The following MLLT10 variants were observed in gnomAD, a reference collection of about 807,000 sequenced individuals.
The protein encoded by MLLT10 is protein AF-10.
Under a neutral mutation model 129.1 loss-of-function variants are expected in MLLT10, and 30 were observed. That is an observed-to-expected ratio of 0.23 (90% CI 0.17 to 0.32). The LOEUF (loss-of-function observed/expected upper bound fraction) is 0.32, where lower values mean the gene tolerates loss of function less well. Ranked by LOEUF, MLLT10 falls within the 10% of genes least tolerant of loss-of-function variation. MLLT10 has a pLI of 1.00. For missense variants in MLLT10, 1,119 were observed against 1,268.3 expected (o/e 0.88, Z 1.79); for synonymous variants, 490 against 446.4 (o/e 1.10, Z -1.23).
chr10:21,691,385 T>C (rs188064693), intron 13 of MLLT10, among the ~76,000 whole-genome samples: 15 of 152,306 alleles, frequency 9.8e-5, no homozygotes, highest in Admixed American at 7.8e-4. Flanking sequence ...TGGATATATA[T>C]CTCTGGATAT....
At chr10:21,540,649 G>A (rs1301145490) in intron 3 of MLLT10, among the ~76,000 whole-genome samples, 1 of 152,020 alleles carries the variant, frequency 6.6e-6, no homozygotes, top group African/African-American at 2.4e-5. Flanking sequence ...CATTAGTTAT[G>A]CAAACCTACC....
chr10:21,716,636 G>A (rs2131525826), intron 14 of MLLT10, among the ~76,000 whole-genome samples: 1 of 151,848 alleles, frequency 6.6e-6, no homozygotes, highest in African/African-American at 2.4e-5. Context: ...GGAGGCTGTA[G>A]TGAGCCGAGA....
At position 21,608,051 on chromosome 10, in the gene MLLT10, T is replaced by A. The variant is rs2044240146; in HGVS notation, c.406-4297T>A. 2.6e-5 allele frequency among the ~76,000 whole-genome samples: 4 copies of A among 152,000 alleles called. No individual in the cohort carries two copies. The South Asian group carries it at 8.3e-4, about 31-fold the overall frequency. On this transcript the variant is annotated intron_variant, in intron 5 of 22. Transcript: ENST00000307729. ...TTTTTTGGTATTTTGAATATGTTAT[T>A]CCATTGCCTTCCGGCCTCCATAGTT...
At position 21,742,678 on chromosome 10, in the gene MLLT10, T is replaced by C. The variant is rs2282395; in HGVS notation, c.*695T>C. On this transcript the variant is annotated 3_prime_UTR_variant, in exon 23 of 23. Coordinates refer to ENST00000307729, the MANE Select transcript of MLLT10 (RefSeq NM_001195626.3). Reference sequence around the variant, plus strand: ...TATTTTGAAGAAATCTTGAGTTAAGTGAGTTCTGAGGCTGCTGGGGGAACC... The same window carrying C: ...TATTTTGAAGAAATCTTGAGTTAAGCGAGTTCTGAGGCTGCTGGGGGAACC... The C allele has an allele frequency of 2.4e-3, 545 of 224,408 alleles. 12 individuals carry two copies. The East Asian group carries it at 0.035, about 15-fold the overall frequency. 13.9% of individuals were successfully genotyped at this position (224,408 alleles called of 1,614,324 possible).
chr10:21,653,261 G>A lies in MLLT10; in HGVS notation c.795+1493G>A, dbSNP rs143561691. ...CTGAAAGAATCTGTTTCTACCGTTC[G>A]TCAGGTTATTGGCAGAATGAATCTG... On this transcript the variant is annotated intron_variant, in intron 9 of 22. Coordinates refer to ENST00000307729, the MANE Select transcript of MLLT10 (RefSeq NM_001195626.3). Among the ~76,000 whole-genome samples, 53 of 152,270 alleles carry A rather than the reference G, an allele frequency of 3.5e-4. No homozygotes were observed. The East Asian group carries it at 9.1e-3, about 26-fold the overall frequency.
At chr10:21,678,514 C>A in intron 11 of MLLT10, among the ~76,000 whole-genome samples, 1 of 152,156 alleles carries the variant, frequency 6.6e-6, no homozygotes, top group Non-Finnish European at 1.5e-5. Flanking sequence ...AGGCAGAAGA[C>A]GAAGGCCAAT....
chr10:21,713,656 A>C, intron 13 of MLLT10, 116 bp from the exon 14 acceptor site: 1 of 862,000 alleles, frequency 1.2e-6, no homozygotes, highest in East Asian at 2.7e-5. Flanking sequence ...AAACAGCAAC[A>C]ATAAGATTTA....
intron 3 of MLLT10, among the ~76,000 whole-genome samples, chr10:21,563,634 G>A (rs1440405655): frequency 2.0e-5 from 3 of 151,952 alleles, no homozygotes; most frequent in East Asian, 1.9e-4. Flanking sequence ...GTTAAACTGC[G>A]TTTTGTTTAA....
intron 5 of MLLT10, among the ~76,000 whole-genome samples, chr10:21,602,733 CTT>C (rs879807408): frequency 6.9e-5 from 10 of 144,578 alleles, no homozygotes; most frequent in East Asian, 2.0e-4. Flanking sequence ...TATCTAAACT[CTT>C]TTTTTTTTTT....
intron 3 of MLLT10, among the ~76,000 whole-genome samples, chr10:21,560,585 A>T (rs2038680950): frequency 6.6e-6 from 1 of 151,956 alleles, no homozygotes; most frequent in African/African-American, 2.4e-5. Flanking sequence ...ACAGGCACGT[A>T]CTACCACCAC....
At chr10:21,635,155 G>A (rs879515788) in intron 8 of MLLT10, among the ~76,000 whole-genome samples, 13 of 152,120 alleles carry the variant, frequency 8.5e-5, no homozygotes, top group African/African-American at 1.2e-4. Flanking sequence ...TTTCAGCTGC[G>A]TTTCTCAAAT....
chr10:21,737,665 T>C (rs1324146602), intron 21 of MLLT10, among the ~76,000 whole-genome samples: 1 of 152,146 alleles, frequency 6.6e-6, no homozygotes, highest in Non-Finnish European at 1.5e-5. Context: ...AGAGAACTTG[T>C]AGAAGGGGAG....
chr10:21,689,134 G>A (rs910591875), intron 13 of MLLT10, among the ~76,000 whole-genome samples: 1 of 151,902 alleles, frequency 6.6e-6, no homozygotes, highest in African/African-American at 2.4e-5. Flanking sequence ...GACTGTCTTA[G>A]CTTTTTATCA....
chr10:21,636,399 C>A (rs934515443), intron 8 of MLLT10, among the ~76,000 whole-genome samples: 1 of 152,140 alleles, frequency 6.6e-6, no homozygotes, highest in Admixed American at 6.6e-5. Context: ...ACCAGTGTTA[C>A]GATTACAGGG....
intron 21 of MLLT10, among the ~76,000 whole-genome samples, chr10:21,738,036 G>A (rs763521271): frequency 6.6e-6 from 1 of 152,114 alleles, no homozygotes; most frequent in Non-Finnish European, 1.5e-5. Context: ...TTGGGAGACG[G>A]AGGTGGGCGG....
intron 9 of MLLT10, among the ~76,000 whole-genome samples, chr10:21,657,286 G>A (rs549203269): frequency 1.3e-5 from 2 of 151,204 alleles, no homozygotes; most frequent in East Asian, 2.0e-4. Context: ...CCAGCTACAC[G>A]AGAGGCTGAG....
chr10:21,578,407 T>C (rs889838209), intron 3 of MLLT10, among the ~76,000 whole-genome samples: 1 of 152,204 alleles, frequency 6.6e-6, no homozygotes, highest in Non-Finnish European at 1.5e-5. Flanking sequence ...CTTGTAAATA[T>C]TTCTTCCATC....
chr10:21,626,112 G>T, intron 8 of MLLT10: 2 of 1,609,500 alleles, frequency 1.2e-6, no homozygotes, highest in Non-Finnish European at 1.7e-6. Context: ...TAGCTCCCCT[G>T]TTTCTCTCTC....
At chr10:21,623,079 C>G (rs1372220147) in intron 8 of MLLT10, among the ~76,000 whole-genome samples, 1 of 152,118 alleles carries the variant, frequency 6.6e-6, no homozygotes, top group Non-Finnish European at 1.5e-5. Context: ...GCTTCCATGC[C>G]CTCTCCAGGT....
Sources: allele counts gnomAD v4.1 joint callset (sites outside exome capture counted in the v4.1 genomes callset), GRCh38; gene constraint gnomAD v4.1.1; transcripts MANE v1.5; gene names NCBI Gene and HGNC (gene_info 2026-07-23, HGNC 2026-07-21).